The following TSHZ2 variants were observed in gnomAD, a reference collection of about 807,000 sequenced individuals.
TSHZ2 encodes the protein teashirt zinc finger homeobox 2, also known as teashirt homolog 2.
Under a neutral mutation model 74.4 loss-of-function variants are expected in TSHZ2, and 21 were observed. The ratio of observed to expected loss-of-function variants is 0.28; its 90% CI spans 0.20 to 0.41. TSHZ2 has a LOEUF of 0.41. Among genes scored for constraint, TSHZ2 ranks in the 10% least tolerant of loss-of-function variants. TSHZ2 has a pLI of 1.00. For missense variants in TSHZ2, 1,244 were observed against 1,293.5 expected, an observed-to-expected ratio of 0.96 and a Z score of 0.59; for synonymous variants, 540 against 515.3, an observed-to-expected ratio of 1.05 and a Z score of -0.65.
In TSHZ2 at chr20:53,325,155, T is replaced by A. The variant is rs544882829; in HGVS notation, c.*8+68584T>A. Among the ~76,000 whole-genome samples the A allele has an allele frequency of 2.3e-4, 35 of 152,352 alleles. No individual in the cohort carries two copies. The South Asian group carries it at 6.6e-3, about 29-fold the overall frequency. On this transcript the variant is annotated intron_variant, in intron 2 of 2. Coordinates refer to ENST00000371497, the MANE Select transcript of TSHZ2 (RefSeq NM_173485.6). ...TTCCACCAGAAGCATTTTATTTTTCTATGTTTTTCTTGGTTTTTTGATTCT... is the reference window on the plus strand; with the variant it reads ...TTCCACCAGAAGCATTTTATTTTTCAATGTTTTTCTTGGTTTTTTGATTCT...
intron 1 of TSHZ2, among the ~76,000 whole-genome samples, chr20:53,104,380 A>C (rs1204779596): frequency 6.6e-6 from 1 of 152,222 alleles, no homozygotes; most frequent in African/African-American, 2.4e-5. Context: ...AGGCTGCTTA[A>C]GAGCACTAGG....
chr20:52,979,902 T>C (rs949451388), intron 1 of TSHZ2, among the ~76,000 whole-genome samples: 6 of 152,130 alleles, frequency 3.9e-5, no homozygotes, highest in African/African-American at 1.4e-4. Context: ...AGAAATTACA[T>C]GGGGGGAAGA....
At chr20:53,422,109 T>C (rs948916174) in intron 2 of TSHZ2, among the ~76,000 whole-genome samples, 3 of 152,200 alleles carry the variant, frequency 2.0e-5, no homozygotes, top group African/African-American at 4.8e-5. Context: ...TCGTATTTTC[T>C]TTATTCCTGT....
intron 2 of TSHZ2, among the ~76,000 whole-genome samples, chr20:53,386,680 A>G (rs941942262): frequency 1.3e-5 from 2 of 152,152 alleles, no homozygotes; most frequent in African/African-American, 4.8e-5. Context: ...ATTGTATCTG[A>G]GCTGTGTGTA....
chr20:53,081,161 A>G (rs1600680489), intron 1 of TSHZ2, among the ~76,000 whole-genome samples: 2 of 152,136 alleles, frequency 1.3e-5, no homozygotes, highest in Non-Finnish European at 2.9e-5. Context: ...GACTACAGGC[A>G]TGTGCCACCA....
chr20:53,253,392 T>C, intron 1 of TSHZ2, 107 bp from the exon 2 acceptor site: 2 of 1,483,468 alleles, frequency 1.3e-6, no homozygotes, highest in Non-Finnish European at 1.8e-6. Flanking sequence ...AAATGTAGAT[T>C]AAATCACCGT....
intron 1 of TSHZ2, among the ~76,000 whole-genome samples, chr20:53,123,754 C>T (rs771972190): frequency 4.6e-5 from 7 of 152,066 alleles, no homozygotes; most frequent in African/African-American, 1.5e-4. Flanking sequence ...CCCCATTTCC[C>T]GAATTATGGA....
At chr20:53,447,849 C>T (rs1600647140) in intron 2 of TSHZ2, among the ~76,000 whole-genome samples, 5 of 152,262 alleles carry the variant, frequency 3.3e-5, no homozygotes. Context: ...CATCTGTGTC[C>T]TGTTGCTCAC....
At chr20:53,472,075 G>C (rs144525398) in intron 2 of TSHZ2, among the ~76,000 whole-genome samples, 73 of 152,274 alleles carry the variant, frequency 4.8e-4, no homozygotes, top group Non-Finnish European at 1.3e-4. Flanking sequence ...AAAGTGCTGG[G>C]ACTACAGGTG....
chr20:53,229,731 GA>G (rs1254784273), intron 1 of TSHZ2, among the ~76,000 whole-genome samples: 2 of 151,318 alleles, frequency 1.3e-5, no homozygotes, highest in Non-Finnish European at 2.9e-5. Flanking sequence ...AGAAAAGAAA[GA>G]AGTGTGGCTG....
intron 2 of TSHZ2, among the ~76,000 whole-genome samples, chr20:53,473,111 G>C (rs1985878313): frequency 6.7e-6 from 1 of 148,574 alleles, no homozygotes; most frequent in South Asian, 2.2e-4. Context: ...GGCTTGCTTA[G>C]GTAAACAAAG....
chr20:53,054,539 A>G (rs1325147776), intron 1 of TSHZ2, among the ~76,000 whole-genome samples: 1 of 152,208 alleles, frequency 6.6e-6, no homozygotes, highest in African/African-American at 2.4e-5. Flanking sequence ...GAACTTAGAA[A>G]TCCTTCCATT....
rs1219744558 is a variant in TSHZ2 at position 53,494,381 on chromosome 20, C to G, written c.*7246C>G. ...GTCCTCCTTCGTAATCATGAACAAT[C>G]TGATCTTGAACTCCCACATAACTTA... On this transcript the variant is annotated 3_prime_UTR_variant, in exon 3 of 3. Transcript: ENST00000371497. 6.6e-6 allele frequency: 1 copy of G among 152,012 alleles called. No homozygotes were observed. Among genetic ancestry groups the G allele is most frequent in the Non-Finnish European group, 1.5e-5 (1 of 68,028 alleles). 9.4% of individuals were successfully genotyped at this position (152,012 alleles called of 1,614,324 possible).
chr20:53,117,648 G>A (rs1480630391), intron 1 of TSHZ2, among the ~76,000 whole-genome samples: 1 of 152,198 alleles, frequency 6.6e-6, no homozygotes, highest in Non-Finnish European at 1.5e-5. Flanking sequence ...GAACAAGAGT[G>A]TATCAAGGAG....
Position 53,255,704 on chromosome 20 carries a change from C to T in TSHZ2, c.2246C>T (p.Ser749Leu). Residue 749 changes from serine to leucine, a missense_variant, in exon 2 of 3, where the codon TCA (serine) becomes TTA (leucine). By Grantham distance (145) the Ser-to-Leu change is moderately radical. This residue lies in a region of TSHZ2 where 562 missense variants were observed against 544.0 expected (regional missense o/e 1.03). Transcript: ENST00000371497. The surrounding 1 kb of genome is among the most constrained non-coding windows in gnomAD (Gnocchi z 4.1). ...GTCTTGAGTCCTGCCTCCACAAGGT[C>T]AGCCAGCGTGTCCAGGCGCTACCTG... ...KPVLSPASTR[S>L]ASVSRRYLFE... 1 of 1,601,796 alleles carries T rather than the reference C, an allele frequency of 6.2e-7. No homozygotes were observed. Among genetic ancestry groups the T allele is most frequent in the Non-Finnish European group, 8.5e-7 (1 of 1,174,030 alleles).
intron 1 of TSHZ2, among the ~76,000 whole-genome samples, chr20:53,057,377 T>C (rs1009975533): frequency 2.6e-5 from 4 of 152,082 alleles, no homozygotes; most frequent in African/African-American, 9.7e-5. Context: ...TGCTGGGAGT[T>C]ATGCCAGGCA....
chr20:53,297,352 C>T (rs1022062181), intron 2 of TSHZ2, among the ~76,000 whole-genome samples: 9 of 149,374 alleles, frequency 6.0e-5, no homozygotes, highest in African/African-American at 1.7e-4. Context: ...CAGGATCAGG[C>T]GATCCTCCTG....
rs186485510 is a variant in TSHZ2 at position 53,163,633 on chromosome 20, G to C, written c.41-89866G>C. 3.7e-3 allele frequency among the ~76,000 whole-genome samples: 565 copies of C among 152,040 alleles called. 3 individuals are homozygous for C. Among genetic ancestry groups the C allele is most frequent in the African/African-American group, 0.013 (534 of 41,460 alleles). ...ACGCTGGGGGACAGCCAGTAGCTGT[G>C]GTGTGGGCTATCCTGTGGTTTGGTG... is the stretch of plus-strand genomic sequence containing the variant. On this transcript the variant is annotated intron_variant, in intron 1 of 2. Coordinates refer to ENST00000371497, the MANE Select transcript of TSHZ2 (RefSeq NM_173485.6).
chr20:53,470,794 T>C (rs554184414), intron 2 of TSHZ2, among the ~76,000 whole-genome samples: 2 of 151,092 alleles, frequency 1.3e-5, no homozygotes, highest in Non-Finnish European at 2.9e-5. Flanking sequence ...GCCTGGATGA[T>C]AGAGCAAAAA....
Sources: gnomAD v4.1 joint callset for allele counts (sites outside exome capture counted in the v4.1 genomes callset) on GRCh38, gnomAD v4.1.1 for gene constraint, gnomAD v4.1.1 regional missense constraint, Gnocchi (gnomAD v3.1) non-coding constraint, MANE v1.5 for transcripts, NCBI Gene and HGNC (gene_info 2026-07-23, HGNC 2026-07-21) for gene names.